Variants in SH3PXD2A observed in about 807,000 individuals in gnomAD.
SH3PXD2A encodes SH3 and PX domains 2A.
Under a neutral mutation model 115.2 loss-of-function variants are expected in SH3PXD2A, and 32 were observed. The observed-to-expected ratio is 0.28, with a 90% CI of 0.21 to 0.37. SH3PXD2A has a LOEUF of 0.37. Ranked by LOEUF, SH3PXD2A falls within the 10% of genes least tolerant of loss-of-function variation. The pLI is 1.00. For missense variants in SH3PXD2A, 1,328 were observed against 1,498.7 expected (o/e 0.89, Z 1.88); for synonymous variants, 610 against 629.1 (o/e 0.97, Z 0.45).
chr10:103,782,989 C>G (rs939074686), intron 2 of SH3PXD2A, among the ~76,000 whole-genome samples: 1 of 151,542 alleles, frequency 6.6e-6, no homozygotes, highest in African/African-American at 2.4e-5. Context: ...AGGCTGAGTG[C>G]CCAGGAGTCA....
intron 2 of SH3PXD2A, among the ~76,000 whole-genome samples, chr10:103,776,512 A>G (rs2038881498): frequency 6.6e-6 from 1 of 151,134 alleles, no homozygotes; most frequent in Non-Finnish European, 1.5e-5. Flanking sequence ...GTAACAAAGT[A>G]CCACAAACTA....
chr10:103,747,793 C>T (rs1417150264), intron 3 of SH3PXD2A, among the ~76,000 whole-genome samples: 1 of 151,532 alleles, frequency 6.6e-6, no homozygotes, highest in Non-Finnish European at 1.5e-5. Context: ...CCACCAAAGC[C>T]TGCTTTCATT....
chr10:103,812,546 C>G (rs1018737748), intron 1 of SH3PXD2A, among the ~76,000 whole-genome samples: 1 of 152,252 alleles, frequency 6.6e-6, no homozygotes, highest in East Asian at 1.9e-4. Context: ...CAATGACTGA[C>G]CCAGGCCTAC....
intron 3 of SH3PXD2A, among the ~76,000 whole-genome samples, chr10:103,758,032 T>C (rs1337415236): frequency 6.6e-6 from 1 of 152,206 alleles, no homozygotes; most frequent in East Asian, 1.9e-4. Flanking sequence ...GCGCTTTCCA[T>C]GCATTAACTG....
intron 2 of SH3PXD2A, among the ~76,000 whole-genome samples, chr10:103,793,364 T>C (rs2039054000): frequency 6.6e-6 from 1 of 152,194 alleles, no homozygotes; most frequent in South Asian, 2.1e-4. Flanking sequence ...ATACTATAAG[T>C]ACTGTTTTGA....
chr10:103,611,438 G>T, intron 13 of SH3PXD2A, 143 bp downstream of exon 13: 1 of 765,176 alleles, frequency 1.3e-6, no homozygotes, highest in Non-Finnish European at 2.3e-6. Flanking sequence ...CCTGCCCCTA[G>T]CCCCACAAAA....
chr10:103,823,438 G>A (rs1213363781), intron 1 of SH3PXD2A, among the ~76,000 whole-genome samples: 1 of 152,300 alleles, frequency 6.6e-6, no homozygotes, highest in East Asian at 1.9e-4. Flanking sequence ...TATTCTGGCT[G>A]GCCTCATCAC....
intron 8 of SH3PXD2A, among the ~76,000 whole-genome samples, chr10:103,655,130 A>G (rs1411632083): frequency 6.6e-6 from 1 of 152,192 alleles, no homozygotes. Context: ...ACACACACAC[A>G]GGCTGCACTC....
intron 8 of SH3PXD2A, among the ~76,000 whole-genome samples, chr10:103,636,872 C>A (rs941025720): frequency 6.6e-6 from 1 of 152,148 alleles, no homozygotes; most frequent in Non-Finnish European, 1.5e-5. Context: ...TTCTTAATCC[C>A]TTCTTCCTAG....
chr10:103,814,261 C>G (rs1331104255), intron 1 of SH3PXD2A, among the ~76,000 whole-genome samples: 1 of 152,156 alleles, frequency 6.6e-6, no homozygotes, highest in Non-Finnish European at 1.5e-5. Flanking sequence ...TGTGCCCACC[C>G]CATGTCTGCA....
At chr10:103,651,166 G>A (rs1223007877) in intron 8 of SH3PXD2A, among the ~76,000 whole-genome samples, 2 of 152,146 alleles carry the variant, frequency 1.3e-5, no homozygotes, top group Admixed American at 1.3e-4. Flanking sequence ...AGAAGGCACT[G>A]TAGGCTGGAG....
intron 5 of SH3PXD2A, 63 bp downstream of exon 5, chr10:103,724,207 G>T: frequency 1.2e-6 from 1 of 838,886 alleles, no homozygotes. Context: ...AGCCTCCCCA[G>T]GCTGGCCATT....
At chr10:103,801,743 G>A (rs2039149948) in intron 1 of SH3PXD2A, among the ~76,000 whole-genome samples, 1 of 152,166 alleles carries the variant, frequency 6.6e-6, no homozygotes, top group South Asian at 2.1e-4. Flanking sequence ...TCATTCTGTT[G>A]TCCAGGCTAG....
At chr10:103,640,229 C>T (rs762795770) in intron 8 of SH3PXD2A, among the ~76,000 whole-genome samples, 9 of 152,042 alleles carry the variant, frequency 5.9e-5, no homozygotes, top group African/African-American at 2.2e-4. Context: ...GCAGGAGAAT[C>T]GCTTGTACCC....
chr10:103,637,187 C>T (rs1006712488), intron 8 of SH3PXD2A, among the ~76,000 whole-genome samples: 5 of 152,346 alleles, frequency 3.3e-5, no homozygotes, highest in Middle Eastern at 3.4e-3. Flanking sequence ...GTTCGATTGC[C>T]GCCTGTGCCC....
chr10:103,822,429 C>T (rs2039390243), intron 1 of SH3PXD2A, among the ~76,000 whole-genome samples: 1 of 152,272 alleles, frequency 6.6e-6, no homozygotes, highest in Non-Finnish European at 1.5e-5. Flanking sequence ...TGCACACATA[C>T]ACAGGTTCTT....
rs2036580087 is a variant in SH3PXD2A at position 103,620,050 on chromosome 10, C to CAGGT, written c.802+2419_802+2420insACCT. ...TCACAGGTGTCCCAAGGAAGAGAGACTTGCCTGGGCCACAAACCCCATCTG... is the reference window on the plus strand; with the variant it reads ...TCACAGGTGTCCCAAGGAAGAGAGACAGGTTTGCCTGGGCCACAAACCCCATCTG... On this transcript the variant is annotated intron_variant, in intron 10 of 14. Transcript: ENST00000369774. The surrounding 1 kb of genome is among the most constrained non-coding windows in gnomAD (Gnocchi z 5.3). Among the ~76,000 whole-genome samples, 1 of 152,204 alleles carries CAGGT rather than the reference C, an allele frequency of 6.6e-6. No individual in the cohort carries two copies.
intron 6 of SH3PXD2A, among the ~76,000 whole-genome samples, chr10:103,687,079 T>C (rs1002010407): frequency 4.6e-5 from 7 of 152,148 alleles, no homozygotes; most frequent in Non-Finnish European, 1.0e-4. Context: ...TTAAAGACCA[T>C]GACCGGATGA....
Position 103,627,113 on chromosome 10 carries a change from T to C in SH3PXD2A, c.694A>G (p.Ile232Val), listed in dbSNP as rs776390133. 6.2e-6 allele frequency: 10 copies of C among 1,610,634 alleles called. No individual in the cohort carries two copies. The highest frequency in any genetic ancestry group is 6.8e-6 in the Non-Finnish European group (8 of 1,176,796). ...AQNGTRDDSD[I>V]NTSKTGEVSK... ...CCTTCTCCAGTCTTAGAGGTGTTGA[T>C]GTCGGAGTCATCCCGAGTACCATTC... Residue 232 changes from isoleucine (I) to valine (V), a missense_variant, in exon 9 of 15, where the codon ATC becomes GTC. Around this residue, in one of 5 missense-constraint regions of SH3PXD2A, gnomAD observed 509 missense variants for 628.3 expected, o/e 0.81. Transcript: ENST00000369774. This position sits in a 1 kb window ranked among gnomAD's most constrained non-coding sequence, Gnocchi z 4.4.
Sources: allele counts gnomAD v4.1 joint callset (sites outside exome capture counted in the v4.1 genomes callset), GRCh38; gene constraint gnomAD v4.1.1; regional missense constraint gnomAD v4.1.1; non-coding constraint Gnocchi (gnomAD v3.1); transcripts MANE v1.5; gene names NCBI Gene and HGNC (gene_info 2026-07-23, HGNC 2026-07-21).